ATP10B: variants seen among roughly 807,000 people sequenced by gnomAD.
ATP10B encodes ATPase phospholipid transporting 10B (putative).
ATP10B carries 122 observed loss-of-function variants against 141.2 expected under a neutral mutation model. The observed-to-expected ratio is 0.86, with a 90% confidence interval of 0.75 to 1.00. ATP10B has a LOEUF of 1.00. ATP10B is among the 50% of genes least tolerant of loss of function. The pLI, the probability that ATP10B is intolerant of heterozygous loss-of-function variation, is 0.00. For synonymous variants in ATP10B, 685 were observed against 692.0 expected (o/e 0.99, Z 0.16); for missense variants, 1,876 against 1,825.3 (o/e 1.03, Z -0.51).
intron 3 of ATP10B, 99 bp downstream of exon 3, chr5:160,716,810 G>A: frequency 1.3e-6 from 1 of 792,746 alleles, no homozygotes; most frequent in Non-Finnish European, 1.5e-6. Context: ...CATCATCAAG[G>A]TGGTGTCATG....
chr5:160,743,422 C>T (rs1439284075), intron 2 of ATP10B, among the ~76,000 whole-genome samples: 2 of 152,174 alleles, frequency 1.3e-5, no homozygotes, highest in East Asian at 3.8e-4. Context: ...TACACTGTCT[C>T]AGCCAAGACA....
At chr5:160,623,500 A>G (rs1453042567) in intron 13 of ATP10B, among the ~76,000 whole-genome samples, 3 of 151,016 alleles carry the variant, frequency 2.0e-5, no homozygotes, top group East Asian at 3.9e-4. Flanking sequence ...ATTTTTCAAG[A>G]TAAAGCAAAG....
chr5:160,886,536 T>A, the ATP10B span, among the ~76,000 whole-genome samples: 2 of 152,126 alleles, frequency 1.3e-5, no homozygotes, highest in Non-Finnish European at 2.9e-5. Context: ...CACAGAGCCT[T>A]AAAAACCCGG....
chr5:160,784,091 A>C (rs1770957815), intron 2 of ATP10B, among the ~76,000 whole-genome samples: 2 of 152,138 alleles, frequency 1.3e-5, no homozygotes, highest in Admixed American at 1.3e-4. Context: ...AGTGGTGTGG[A>C]TCTTTGAGGC....
chr5:160,569,828 C>T, intron 24 of ATP10B, 145 bp from the exon 25 acceptor site: 1 of 648,138 alleles, frequency 1.5e-6, no homozygotes, highest in Non-Finnish European at 2.5e-6. Flanking sequence ...CTTAATCTAT[C>T]ATTATAAAGC....
the ATP10B span, among the ~76,000 whole-genome samples, chr5:160,874,684 C>A: frequency 6.6e-6 from 1 of 152,084 alleles, no homozygotes; most frequent in Non-Finnish European, 1.5e-5. Context: ...CAGAGAAGCG[C>A]TTAAAGGAGC....
Position 160,681,878 on chromosome 5 carries a change from A to G in ATP10B, c.470+4201T>C, listed in dbSNP as rs1419385405. 2.6e-5 allele frequency among the ~76,000 whole-genome samples: 4 copies of G among 152,246 alleles called. No homozygotes were observed. In the East Asian group the frequency reaches 5.8e-4, roughly 22 times the overall value. ...CTAATAAAGCTCAGACAATCTGGCA[A>G]CAACACTAGGCCTGTACTTCTACAT... On this transcript the variant is annotated intron_variant, in intron 6 of 25. Transcript: ENST00000327245.
intron 6 of ATP10B, among the ~76,000 whole-genome samples, chr5:160,673,060 G>A (rs1762810936): frequency 6.6e-6 from 1 of 152,226 alleles, no homozygotes; most frequent in Non-Finnish European, 1.5e-5. Flanking sequence ...AGGGTTCTGT[G>A]GAAGTGCTCT....
intron 2 of ATP10B, among the ~76,000 whole-genome samples, chr5:160,780,827 T>G (rs946537692): frequency 1.3e-5 from 2 of 152,194 alleles, no homozygotes; most frequent in African/African-American, 2.4e-5. Flanking sequence ...TTTGATTTCA[T>G]AGTAAATGTG....
chr5:160,563,199 A>G lies in ATP10B; in HGVS notation c.*2254T>C, dbSNP rs1167407745. On this transcript the variant is annotated 3_prime_UTR_variant, in exon 26 of 26. Coordinates refer to ENST00000327245, the MANE Select transcript of ATP10B (RefSeq NM_025153.3). ...AATCAGTAAAATATCATAAAAGTAT[A>G]AAAATGTACTAAGTACAATCATTAG... 1.3e-5 allele frequency: 2 copies of G among 152,200 alleles called. No homozygotes were observed. The highest frequency in any genetic ancestry group is 3.2e-3 in the Middle Eastern group (1 of 316). The allele number at this position is 152,200 out of a possible 1,614,324, so 9.4% of individuals were successfully genotyped here. A position where few individuals can be genotyped will look rare whatever the true frequency, so the allele number is the denominator to read the frequency against.
At chr5:160,568,039 G>A (rs1288348400) in intron 25 of ATP10B, among the ~76,000 whole-genome samples, 1 of 152,138 alleles carries the variant, frequency 6.6e-6, no homozygotes, top group Non-Finnish European at 1.5e-5. Context: ...AATTCCCTGG[G>A]GCCTGCCTTT....
At chr5:160,734,893 CTTGT>C (rs1041487316) in intron 2 of ATP10B, among the ~76,000 whole-genome samples, 7 of 151,828 alleles carry the variant, frequency 4.6e-5, no homozygotes, top group Non-Finnish European at 8.8e-5. Context: ...AGTTCAGCTG[CTTGT>C]TTATTTATGC....
At chr5:160,637,493 G>A (rs528660967) in intron 10 of ATP10B, among the ~76,000 whole-genome samples, 1 of 152,318 alleles carries the variant, frequency 6.6e-6, no homozygotes, top group South Asian at 2.1e-4. Flanking sequence ...CAGTATGAGA[G>A]GTGCAATAGC....
intron 6 of ATP10B, among the ~76,000 whole-genome samples, chr5:160,683,118 T>C (rs928395096): frequency 1.3e-5 from 2 of 151,846 alleles, no homozygotes; most frequent in African/African-American, 4.8e-5. Flanking sequence ...ACACCGCTTT[T>C]TCAAAGGAAG....
intron 6 of ATP10B, among the ~76,000 whole-genome samples, chr5:160,683,097 T>C (rs1311192701): frequency 1.5e-5 from 2 of 137,662 alleles, no homozygotes; most frequent in African/African-American, 5.5e-5. Flanking sequence ...AGAAAAACAA[T>C]GCTTTCTCAA....
chr5:160,668,168 A>T (rs60201121), intron 7 of ATP10B, among the ~76,000 whole-genome samples: 3,125 of 147,498 alleles, frequency 0.021, 111 homozygotes, highest in African/African-American at 0.071. Context: ...GTAGGCATAG[A>T]TTGCACTAAG....
At chr5:160,708,395 T>A (rs1765148221) in intron 3 of ATP10B, among the ~76,000 whole-genome samples, 1 of 151,994 alleles carries the variant, frequency 6.6e-6, no homozygotes, top group Non-Finnish European at 1.5e-5. Flanking sequence ...ATCTAGTGAG[T>A]GGATAATTAA....
intron 2 of ATP10B, among the ~76,000 whole-genome samples, chr5:160,778,682 T>A (rs548284780): frequency 1.7e-4 from 26 of 152,266 alleles, no homozygotes; most frequent in South Asian, 6.2e-4. Context: ...TTGACTTTTT[T>A]AAAATTACAG....
At chr5:160,904,107 G>C in the ATP10B span, among the ~76,000 whole-genome samples, 2 of 152,070 alleles carry the variant, frequency 1.3e-5, no homozygotes, top group African/African-American at 4.8e-5. Context: ...GCTCCCAGCA[G>C]GCAAGGAAGA....
Sources: gnomAD v4.1 joint callset for allele counts (sites outside exome capture counted in the v4.1 genomes callset) on GRCh38, gnomAD v4.1.1 for gene constraint, MANE v1.5 for transcripts, NCBI Gene and HGNC (gene_info 2026-07-23, HGNC 2026-07-21) for gene names.